The following LINGO2 variants were observed in gnomAD, a reference collection of about 807,000 sequenced individuals.
LINGO2 encodes the protein leucine rich repeat and Ig domain containing 2.
LINGO2 carries 14 observed loss-of-function variants against 30.6 expected under a neutral mutation model. The observed-to-expected ratio is 0.46, with a 90% CI of 0.30 to 0.72. LINGO2 has a LOEUF of 0.72. Ranked by LOEUF, LINGO2 falls within the 30% of genes least tolerant of loss-of-function variation. LINGO2 has a pLI of 0.07. For missense variants in LINGO2, 729 were observed against 751.7 expected (o/e 0.97, Z 0.35); for synonymous variants, 317 against 288.5 (o/e 1.10, Z -1.00).
the LINGO2 span, among the ~76,000 whole-genome samples, chr9:28,676,205 T>C: frequency 6.6e-6 from 1 of 151,790 alleles, no homozygotes; most frequent in East Asian, 1.9e-4. Context: ...CATAAAATAG[T>C]TATGCTAATA....
intron 1 of LINGO2, among the ~76,000 whole-genome samples, chr9:28,661,488 G>A (rs1255974279): frequency 6.6e-6 from 1 of 152,132 alleles, no homozygotes; most frequent in Non-Finnish European, 1.5e-5. Context: ...ATGTAAGTTT[G>A]GGGGTTAATC....
chr9:28,506,900 G>C (rs1820161943), intron 1 of LINGO2, among the ~76,000 whole-genome samples: 1 of 151,758 alleles, frequency 6.6e-6, no homozygotes, highest in African/African-American at 2.4e-5. Flanking sequence ...ACAGCCATTA[G>C]GAAATTTGTT....
chr9:28,749,629 G>C, the LINGO2 span, among the ~76,000 whole-genome samples: 1 of 151,918 alleles, frequency 6.6e-6, no homozygotes, highest in African/African-American at 2.4e-5. Flanking sequence ...TAGTATTTAT[G>C]TTATTTTTTA....
chr9:28,989,661 C>A, the LINGO2 span, among the ~76,000 whole-genome samples: 2 of 152,080 alleles, frequency 1.3e-5, no homozygotes, highest in African/African-American at 4.8e-5. Context: ...CTCTAGAACT[C>A]TGAAATAAAA....
chr9:28,341,219 G>A (rs1825755732), intron 3 of LINGO2, among the ~76,000 whole-genome samples: 1 of 151,966 alleles, frequency 6.6e-6, no homozygotes, highest in Admixed American at 6.6e-5. Flanking sequence ...ACTAAAATTT[G>A]CAATTTTAAA....
intron 1 of LINGO2, among the ~76,000 whole-genome samples, chr9:28,567,602 A>T (rs1391998004): frequency 1.3e-5 from 2 of 152,094 alleles, no homozygotes; most frequent in Non-Finnish European, 2.9e-5. Context: ...CAATGTGTAC[A>T]CATGGACATA....
chr9:28,946,289 C>A, the LINGO2 span, among the ~76,000 whole-genome samples: 1 of 151,972 alleles, frequency 6.6e-6, no homozygotes, highest in South Asian at 2.1e-4. Context: ...AAATGTGCCC[C>A]TACACAGAGA....
the LINGO2 span, among the ~76,000 whole-genome samples, chr9:29,173,157 G>A: frequency 1.3e-5 from 2 of 152,004 alleles, no homozygotes; most frequent in African/African-American, 4.8e-5. Flanking sequence ...TTTGGGTGCA[G>A]CTGTGGTATA....
the LINGO2 span, among the ~76,000 whole-genome samples, chr9:28,905,560 C>G: frequency 6.6e-5 from 10 of 151,964 alleles, no homozygotes; most frequent in Non-Finnish European, 1.2e-4. Flanking sequence ...TACTAATCAT[C>G]TGGGAAATGT....
intron 1 of LINGO2, among the ~76,000 whole-genome samples, chr9:28,577,454 A>G (rs1824045635): frequency 6.6e-6 from 1 of 151,992 alleles, no homozygotes; most frequent in East Asian, 1.9e-4. Context: ...GCATTCCCCA[A>G]CCAATCAGCA....
intron 2 of LINGO2, among the ~76,000 whole-genome samples, chr9:28,446,027 C>T (rs1824412892): frequency 6.6e-6 from 1 of 152,086 alleles, no homozygotes; most frequent in South Asian, 2.1e-4. Flanking sequence ...TATTATTAAG[C>T]AAGACAGAGC....
rs1272556438 is a variant in LINGO2, at chr9:28,438,888, TATATATATTTATACATTATATATAATGAA to T, written c.-279+37023_-279+37051del. The stretch of plus-strand genomic sequence containing the variant: ...TATTTATACATTATATATAGTGAAA[TATATATATTTATACATTATATATAATGAA>T]ATATATATCTATACATTATATATAA... On this transcript the variant is annotated intron_variant, in intron 2 of 5. Transcript: ENST00000379992. Among the ~76,000 whole-genome samples the T allele has an allele frequency of 6.0e-5, 8 of 132,486 alleles. No individual in the cohort carries two copies. The East Asian group carries it at 1.8e-3, about 29-fold the overall frequency. 86.9% of individuals were successfully genotyped at this position (132,486 alleles called of 152,430 possible). A position where few individuals can be genotyped will look rare whatever the true frequency, so the allele number is the denominator to read the frequency against.
chr9:28,916,742 T>A, the LINGO2 span, among the ~76,000 whole-genome samples: 1 of 152,230 alleles, frequency 6.6e-6, no homozygotes, highest in South Asian at 2.1e-4. Flanking sequence ...TGAGACTGTG[T>A]TATGCACATG....
chr9:28,077,565 T>TGGAA (rs1563961000), intron 4 of LINGO2, among the ~76,000 whole-genome samples: 2 of 150,012 alleles, frequency 1.3e-5, no homozygotes, highest in African/African-American at 5.1e-5. Flanking sequence ...GCATCAAAAC[T>TGGAA]ATTATCTTAT....
chr9:29,158,732 G>A, the LINGO2 span, among the ~76,000 whole-genome samples: 1 of 152,106 alleles, frequency 6.6e-6, no homozygotes, highest in Non-Finnish European at 1.5e-5. Context: ...ACGTCTGTGT[G>A]TGCAAGTGTG....
chr9:28,627,260 C>T (rs931965008), intron 1 of LINGO2, among the ~76,000 whole-genome samples: 3 of 152,024 alleles, frequency 2.0e-5, no homozygotes, highest in Non-Finnish European at 4.4e-5. Flanking sequence ...AGATATAATA[C>T]GTTTTAATGT....
intron 1 of LINGO2, among the ~76,000 whole-genome samples, chr9:28,653,991 C>T (rs1344569952): frequency 2.0e-5 from 3 of 152,000 alleles, no homozygotes; most frequent in Admixed American, 2.0e-4. Context: ...ATATTTTTTA[C>T]GTTTATCTAT....
intron 1 of LINGO2, among the ~76,000 whole-genome samples, chr9:28,482,123 C>A (rs1044221357): frequency 5.3e-5 from 8 of 151,914 alleles, no homozygotes; most frequent in Non-Finnish European, 1.0e-4. Context: ...ATTTATAGTC[C>A]TTTGGGTATA....
chr9:28,412,185 G>GAAAA (rs59158472), intron 2 of LINGO2, among the ~76,000 whole-genome samples: 35 of 120,604 alleles, frequency 2.9e-4, no homozygotes, highest in South Asian at 5.8e-4. Flanking sequence ...ACTTGTAAGT[G>GAAAA]AAAAAAAAAA....
Sources: gnomAD v4.1 joint callset for allele counts (sites outside exome capture counted in the v4.1 genomes callset) on GRCh38, gnomAD v4.1.1 for gene constraint, MANE v1.5 for transcripts, NCBI Gene and HGNC (gene_info 2026-07-23, HGNC 2026-07-21) for gene names.